The following GALNTL6 variants were observed in gnomAD, a reference collection of about 807,000 sequenced individuals.
GALNTL6 encodes the protein polypeptide N-acetylgalactosaminyltransferase-like 6.
A neutral mutation model predicts 73.7 loss-of-function variants in GALNTL6; 46 were observed. The ratio of observed to expected loss-of-function variants is 0.62; its 90% CI spans 0.49 to 0.80. GALNTL6 has a LOEUF of 0.80. Ranked by LOEUF, GALNTL6 falls within the 30% of genes least tolerant of loss-of-function variation. The pLI, the probability that GALNTL6 is intolerant of heterozygous loss-of-function variation, is 0.00. For synonymous variants in GALNTL6, 259 were observed against 263.7 expected (o/e 0.98, Z 0.17); for missense variants, 604 against 755.0 (o/e 0.80, Z 2.34).
At chr4:172,826,905 T>G (rs1742299679) in intron 7 of GALNTL6, among the ~76,000 whole-genome samples, 2 of 152,234 alleles carry the variant, frequency 1.3e-5, no homozygotes, top group South Asian at 2.1e-4. Flanking sequence ...CTTTCCAAAC[T>G]GCTCTGCTCA....
intron 10 of GALNTL6, among the ~76,000 whole-genome samples, chr4:172,975,785 C>T (rs1750780157): frequency 1.3e-5 from 2 of 152,178 alleles, no homozygotes; most frequent in Non-Finnish European, 2.9e-5. Context: ...GGAGCACACA[C>T]ACACCCAGCC....
In GALNTL6 at chr4:171,965,384, C is replaced by T. The variant is rs186318651; in HGVS notation, c.138+150666C>T. 6.2e-3 allele frequency among the ~76,000 whole-genome samples: 942 copies of T among 152,148 alleles called. 12 individuals carry two copies. Among genetic ancestry groups the T allele is most frequent in the African/African-American group, 0.02 (823 of 41,532 alleles). ...AAGAAGAGTCAATGGGGGCTGGGGG[C>T]AGTGGCTCACGCCTGTAATCCCAGC... On this transcript the variant is annotated intron_variant, in intron 2 of 12. Transcript: ENST00000506823.
intron 5 of GALNTL6, among the ~76,000 whole-genome samples, chr4:172,709,921 A>T (rs1734595345): frequency 6.6e-6 from 1 of 152,152 alleles, no homozygotes; most frequent in Non-Finnish European, 1.5e-5. Context: ...CGCATTGACA[A>T]GCAAAGCACT....
At chr4:171,968,017 C>T (rs969688578) in intron 2 of GALNTL6, among the ~76,000 whole-genome samples, 2 of 152,060 alleles carry the variant, frequency 1.3e-5, no homozygotes, top group African/African-American at 2.4e-5. Flanking sequence ...GAGAAAGAGC[C>T]CGGTGCGATC....
intron 3 of GALNTL6, among the ~76,000 whole-genome samples, chr4:172,288,464 G>A (rs1275197237): frequency 3.9e-5 from 6 of 152,170 alleles, no homozygotes; most frequent in Admixed American, 2.0e-4. Flanking sequence ...ACTAATTGGT[G>A]TGTTTTCTAA....
intron 5 of GALNTL6, among the ~76,000 whole-genome samples, chr4:172,351,177 A>ATCTATCTG (rs1554016389): frequency 6.8e-6 from 1 of 146,548 alleles, no homozygotes; most frequent in Non-Finnish European, 1.5e-5. Flanking sequence ...ATCCACAATA[A>ATCTATCTG]TCTGTCTATC....
chr4:172,320,489 A>C (rs974326016), intron 4 of GALNTL6, among the ~76,000 whole-genome samples: 5 of 152,220 alleles, frequency 3.3e-5, no homozygotes, highest in Non-Finnish European at 7.3e-5. Flanking sequence ...GGTCACGCTG[A>C]AAAAGAGATT....
intron 2 of GALNTL6, among the ~76,000 whole-genome samples, chr4:171,966,098 A>T (rs1739374799): frequency 6.6e-6 from 1 of 152,156 alleles, no homozygotes. Context: ...GGAAACCCTG[A>T]TCATCTTAGA....
chr4:172,539,982 T>C (rs1299637841), intron 5 of GALNTL6, among the ~76,000 whole-genome samples: 1 of 148,320 alleles, frequency 6.7e-6, no homozygotes, highest in Non-Finnish European at 1.5e-5. Flanking sequence ...ATGAATAAAC[T>C]TGGGGTTAGA....
intron 2 of GALNTL6, chr4:172,052,347 C>T (rs1730899263): frequency 1.2e-6 from 1 of 816,326 alleles, no homozygotes; most frequent in Non-Finnish European, 1.9e-6. Flanking sequence ...TAGAGATGGG[C>T]TTGAACACGC....
chr4:172,490,388 T>C (rs1733853374), intron 5 of GALNTL6, among the ~76,000 whole-genome samples: 2 of 152,126 alleles, frequency 1.3e-5, no homozygotes, highest in Admixed American at 6.5e-5. Flanking sequence ...AAAAATAGTT[T>C]ATAAAATAAT....
chr4:171,824,896 G>A (rs1734782785), intron 2 of GALNTL6, among the ~76,000 whole-genome samples: 1 of 152,080 alleles, frequency 6.6e-6, no homozygotes, highest in African/African-American at 2.4e-5. Context: ...AGAAGTTTTT[G>A]TAACTTGAAC....
intron 4 of GALNTL6, among the ~76,000 whole-genome samples, chr4:172,318,463 G>A (rs1328736095): frequency 6.6e-6 from 1 of 152,186 alleles, no homozygotes; most frequent in Non-Finnish European, 1.5e-5. Context: ...AGGACTTTGG[G>A]AGGCTGAGGC....
At chr4:172,184,219 T>C (rs1461219366) in intron 2 of GALNTL6, among the ~76,000 whole-genome samples, 1 of 152,176 alleles carries the variant, frequency 6.6e-6, no homozygotes, top group African/African-American at 2.4e-5. Context: ...ATTGCAGACA[T>C]TGGTAGTGGT....
At chr4:172,759,672 C>T (rs1047492315) in intron 5 of GALNTL6, among the ~76,000 whole-genome samples, 4 of 152,160 alleles carry the variant, frequency 2.6e-5, no homozygotes, top group African/African-American at 9.7e-5. Context: ...ATGCTGTCTC[C>T]CATGCCAGTA....
chr4:171,920,232 G>A (rs914107084), intron 2 of GALNTL6, among the ~76,000 whole-genome samples: 1 of 152,028 alleles, frequency 6.6e-6, no homozygotes, highest in East Asian at 1.9e-4. Flanking sequence ...CCTGTTTTGG[G>A]GTAGGGGGAG....
intron 5 of GALNTL6, among the ~76,000 whole-genome samples, chr4:172,460,471 T>A (rs188159801): frequency 3.3e-5 from 5 of 152,276 alleles, no homozygotes; most frequent in African/African-American, 9.6e-5. Flanking sequence ...AACCTATCCA[T>A]CTGACAAAGG....
intron 3 of GALNTL6, among the ~76,000 whole-genome samples, chr4:172,301,623 T>C (rs1739927682): frequency 6.6e-6 from 1 of 152,196 alleles, no homozygotes; most frequent in South Asian, 2.1e-4. Context: ...TGGAGTTTGC[T>C]GGAGGTCCAC....
Position 172,882,923 on chromosome 4 carries a change from C to A in GALNTL6, c.1041+16C>A. ...CTCTTTTAAGGTAAGCCCCAAGACC[C>A]TCTTCACACTATATCTGTATAATTT... On this transcript the variant is annotated intron_variant, in intron 8 of 12. Transcript: ENST00000506823. 8.1e-7 allele frequency: 1 copy of A among 1,235,384 alleles called. No individual in the cohort carries two copies. The highest frequency in any genetic ancestry group is 1.2e-6 in the Non-Finnish European group (1 of 839,344). 76.5% of individuals were successfully genotyped at this position (1,235,384 alleles called of 1,614,324 possible). A position where few individuals can be genotyped will look rare whatever the true frequency, so the allele number is the denominator to read the frequency against.
Sources: allele counts gnomAD v4.1 joint callset (sites outside exome capture counted in the v4.1 genomes callset), GRCh38; gene constraint gnomAD v4.1.1; transcripts MANE v1.5; gene names NCBI Gene and HGNC (gene_info 2026-07-23, HGNC 2026-07-21).